The following DCDC1 variants were observed in gnomAD, a reference collection of about 807,000 sequenced individuals.
DCDC1 encodes the protein doublecortin domain containing 1, also known as doublecortin domain-containing protein 1.
In DCDC1, 200 loss-of-function variants were observed where a neutral mutation model predicts 178.3. That is an observed-to-expected ratio of 1.12 (90% CI 1.00 to 1.26). The LOEUF is 1.26. Ranked by LOEUF, DCDC1 falls within the 50% of genes most tolerant of loss-of-function variation. The pLI is 0.00. For synonymous variants in DCDC1, 690 were observed against 604.8 expected, an observed-to-expected ratio of 1.14 and a Z score of -2.07; for missense variants, 1,983 against 1,749.2, an observed-to-expected ratio of 1.13 and a Z score of -2.38.
At chr11:31,249,894 T>G (rs1943854939) in intron 8 of DCDC1, among the ~76,000 whole-genome samples, 1 of 152,110 alleles carries the variant, frequency 6.6e-6, no homozygotes, top group Admixed American at 6.6e-5. Context: ...AAACAGTTTG[T>G]GAACACTCAG....
At chr11:31,038,972 T>A (rs1590842129) in intron 20 of DCDC1, among the ~76,000 whole-genome samples, 1 of 152,216 alleles carries the variant, frequency 6.6e-6, no homozygotes, top group African/African-American at 2.4e-5. Context: ...TCATATGTCA[T>A]AAGGTCAAAT....
chr11:31,315,980 T>C (rs894558540), intron 3 of DCDC1, among the ~76,000 whole-genome samples: 2 of 113,772 alleles, frequency 1.8e-5, no homozygotes, highest in African/African-American at 8.6e-5. Context: ...ACAAAGGATA[T>C]GAACTCATCA....
intron 20 of DCDC1, among the ~76,000 whole-genome samples, chr11:30,964,731 A>T (rs1237061587): frequency 6.6e-6 from 1 of 152,182 alleles, no homozygotes; most frequent in Non-Finnish European, 1.5e-5. Flanking sequence ...TTTCTGCTAC[A>T]ATCATTGCAT....
chr11:30,868,738 G>T (rs1278096957), intron 38 of DCDC1, among the ~76,000 whole-genome samples: 3 of 152,166 alleles, frequency 2.0e-5, no homozygotes, highest in Non-Finnish European at 2.9e-5. Flanking sequence ...ATCAGTCTGG[G>T]TCACCTCTAT....
At chr11:30,959,436 G>A (rs163867) in intron 20 of DCDC1, among the ~76,000 whole-genome samples, 86,682 of 151,786 alleles carry the variant, frequency 0.57, 25,219 homozygotes, top group African/African-American at 0.63. Flanking sequence ...TAGTCACTTC[G>A]TCTTCTACCA....
chr11:31,336,903 G>A (rs896516404), intron 1 of DCDC1, among the ~76,000 whole-genome samples: 5 of 152,104 alleles, frequency 3.3e-5, no homozygotes, highest in African/African-American at 7.2e-5. Flanking sequence ...TCCTGGATTG[G>A]TCATCTTTAA....
intron 36 of DCDC1, among the ~76,000 whole-genome samples, chr11:30,888,076 G>A (rs370547452): frequency 1.0e-4 from 11 of 108,610 alleles, no homozygotes; most frequent in South Asian, 3.3e-4. Context: ...GAGAGAGAGA[G>A]AGAGAGAGAA....
Position 30,911,321 on chromosome 11 carries a change from T to C in DCDC1, c.3747+6A>G. The C allele has an allele frequency of 5.0e-6, 8 of 1,595,050 alleles. No homozygotes were observed. Among genetic ancestry groups the C allele is most frequent in the Non-Finnish European group, 6.8e-6 (8 of 1,169,790 alleles). ...CATGACTAATCTTTAGCCATACATA[T>C]CTTACCTGAACAATAACTGGATAGC... On this transcript the variant is annotated splice_donor_region_variant and intron_variant, in intron 28 of 38. Transcript: ENST00000684477.
rs141018156 is a variant in DCDC1, at chr11:31,240,255, A to G, written c.1221+1195T>C. ...TAAATGCAATAAAATATTTTATACT[A>G]GTTTCTATATATAATGGCTTAATAA... On this transcript the variant is annotated intron_variant, in intron 9 of 38. Coordinates refer to ENST00000684477, the MANE Select transcript of DCDC1 (RefSeq NM_001387274.1). Among the ~76,000 whole-genome samples, 6 of 152,126 alleles carry G rather than the reference A, an allele frequency of 3.9e-5. No homozygotes were observed. The East Asian group carries it at 1.2e-3, about 29-fold the overall frequency.
chr11:31,359,923 CTG>C, intron 1 of DCDC1, among the ~76,000 whole-genome samples: 1 of 152,300 alleles, frequency 6.6e-6, no homozygotes, highest in South Asian at 2.1e-4. Context: ...ATTTTTGCCT[CTG>C]TCTCTTCCCA....
At chr11:31,160,502 A>G (rs1966215002) in intron 9 of DCDC1, among the ~76,000 whole-genome samples, 1 of 152,218 alleles carries the variant, frequency 6.6e-6, no homozygotes, top group South Asian at 2.1e-4. Flanking sequence ...CTGGAATACA[A>G]TTATAATGAA....
chr11:30,946,446 A>G (rs374006006), intron 21 of DCDC1, among the ~76,000 whole-genome samples: 7 of 152,214 alleles, frequency 4.6e-5, no homozygotes, highest in East Asian at 1.9e-4. Context: ...ACTGCCCACC[A>G]CAATGCTTTT....
At chr11:30,902,791 A>G (rs1449224407) in intron 32 of DCDC1, among the ~76,000 whole-genome samples, 1 of 152,160 alleles carries the variant, frequency 6.6e-6, no homozygotes, top group Non-Finnish European at 1.5e-5. Context: ...ACAACCATGG[A>G]AATCTCATAC....
At chr11:31,170,274 A>T in intron 9 of DCDC1, among the ~76,000 whole-genome samples, 1 of 151,484 alleles carries the variant, frequency 6.6e-6, no homozygotes, top group Non-Finnish European at 1.5e-5. Flanking sequence ...CCATCCACCC[A>T]CTCTTCTTGG....
chr11:31,348,131 A>G (rs980132104), intron 1 of DCDC1, among the ~76,000 whole-genome samples: 2 of 152,214 alleles, frequency 1.3e-5, no homozygotes, highest in Non-Finnish European at 2.9e-5. Context: ...CTATATTAAT[A>G]CATGCTAGGA....
intron 9 of DCDC1, among the ~76,000 whole-genome samples, chr11:31,213,165 T>A (rs1591427633): frequency 9.4e-6 from 1 of 106,314 alleles, no homozygotes; most frequent in South Asian, 3.1e-4. Context: ...CTCTCTCTGC[T>A]TTCTTTACCA....
rs71060479 is a variant in DCDC1 at position 31,171,342 on chromosome 11, G to GA, written c.1222-33559dup. Among the ~76,000 whole-genome samples, 232 of 150,730 alleles carry GA rather than the reference G, an allele frequency of 1.5e-3. 4 individuals are homozygous for GA. Among genetic ancestry groups the GA allele is most frequent in the Non-Finnish European group, 4.4e-4 (30 of 67,590 alleles). ...ACACAAAGTCAGCCATAAACAACATGAAAAAAAAAAATGTGGCTGTGTTTC... is the reference window on the plus strand; with the variant it reads ...ACACAAAGTCAGCCATAAACAACATGAAAAAAAAAAAATGTGGCTGTGTTTC... On this transcript the variant is annotated intron_variant, in intron 9 of 38. Coordinates refer to ENST00000684477, the MANE Select transcript of DCDC1 (RefSeq NM_001387274.1).
intron 20 of DCDC1, among the ~76,000 whole-genome samples, chr11:30,991,204 G>A (rs1300856898): frequency 6.6e-6 from 1 of 152,138 alleles, no homozygotes; most frequent in Admixed American, 6.5e-5. Context: ...AGAAGGCTAT[G>A]AGAGCCTGCC....
intron 9 of DCDC1, among the ~76,000 whole-genome samples, chr11:31,187,921 C>G (rs564509323): frequency 2.6e-5 from 4 of 152,238 alleles, no homozygotes; most frequent in Non-Finnish European, 5.9e-5. Context: ...ACTGAGTAAC[C>G]CATTTATAAT....
Sources: allele counts gnomAD v4.1 joint callset (sites outside exome capture counted in the v4.1 genomes callset), GRCh38; gene constraint gnomAD v4.1.1; transcripts MANE v1.5; gene names NCBI Gene and HGNC (gene_info 2026-07-23, HGNC 2026-07-21).